MACROD2: variants seen among roughly 807,000 people sequenced by gnomAD.
MACROD2 encodes the protein mono-ADP ribosylhydrolase 2.
MACROD2 carries 36 observed loss-of-function variants against 70.4 expected under a neutral mutation model. The observed-to-expected ratio is 0.51, with a 90% CI of 0.39 to 0.68. MACROD2 has a LOEUF of 0.68. Ranked by LOEUF, MACROD2 falls within the 30% of genes least tolerant of loss-of-function variation. The pLI, the probability that MACROD2 is intolerant of heterozygous loss-of-function variation, is 0.00. For missense variants in MACROD2, 496 were observed against 538.4 expected (o/e 0.92, Z 0.78); for synonymous variants, 172 against 178.8 (o/e 0.96, Z 0.30).
intron 2 of MACROD2, among the ~76,000 whole-genome samples, chr20:14,032,223 T>C (rs1399407066): frequency 6.6e-6 from 1 of 152,142 alleles, no homozygotes; most frequent in African/African-American, 2.4e-5. Flanking sequence ...ATTTTGTCTT[T>C]AATGAACTAT....
chr20:16,026,158 AAAC>A (rs148832200), intron 15 of MACROD2, among the ~76,000 whole-genome samples: 35,354 of 150,334 alleles, frequency 0.24, 4,212 homozygotes, highest in South Asian at 0.33. Context: ...CATCTCAAAA[AAAC>A]AAAACAACAA....
At chr20:14,336,517 G>T (rs991146675) in intron 3 of MACROD2, among the ~76,000 whole-genome samples, 1 of 152,028 alleles carries the variant, frequency 6.6e-6, no homozygotes, top group African/African-American at 2.4e-5. Flanking sequence ...TAGTATAAAT[G>T]CATTTCTTCC....
At chr20:14,786,832 C>G (rs2072380443) in intron 5 of MACROD2, among the ~76,000 whole-genome samples, 1 of 152,042 alleles carries the variant, frequency 6.6e-6, no homozygotes. Context: ...TATTCAGATT[C>G]CTGTTTCTGC....
intron 4 of MACROD2, among the ~76,000 whole-genome samples, chr20:14,525,952 A>C (rs564469951): frequency 6.6e-6 from 1 of 152,182 alleles, no homozygotes; most frequent in South Asian, 2.1e-4. Context: ...ATGCTTCCTG[A>C]AGGTTGGAGG....
chr20:14,127,884 C>A (rs1006926450), intron 3 of MACROD2: 3 of 494,908 alleles, frequency 6.1e-6, no homozygotes, highest in African/African-American at 5.9e-5. Flanking sequence ...CCAACTAGAT[C>A]TTTGAATTGG....
chr20:15,812,204 CA>C (rs2063828404), intron 8 of MACROD2, among the ~76,000 whole-genome samples: 1 of 152,144 alleles, frequency 6.6e-6, no homozygotes, highest in South Asian at 2.1e-4. Flanking sequence ...ACTTATAACA[CA>C]ATGCCTTATA....
At chr20:14,501,449 G>A (rs894331057) in intron 4 of MACROD2, among the ~76,000 whole-genome samples, 1 of 151,090 alleles carries the variant, frequency 6.6e-6, no homozygotes, top group South Asian at 2.1e-4. Flanking sequence ...GTATACTAGT[G>A]TTATCCTACA....
chr20:15,690,521 G>A (rs1462269811), intron 8 of MACROD2, among the ~76,000 whole-genome samples: 2 of 152,150 alleles, frequency 1.3e-5, no homozygotes, highest in African/African-American at 2.4e-5. Context: ...TCTGAATGTC[G>A]AGGGACCAGA....
chr20:15,146,278 C>A (rs914276882), intron 5 of MACROD2, among the ~76,000 whole-genome samples: 4 of 152,074 alleles, frequency 2.6e-5, no homozygotes, highest in Admixed American at 2.6e-4. Flanking sequence ...TTCTAGAAAT[C>A]TTGGTAATTA....
At chr20:16,018,702 C>A (rs1224254001) in intron 15 of MACROD2, among the ~76,000 whole-genome samples, 1 of 152,138 alleles carries the variant, frequency 6.6e-6, no homozygotes, top group African/African-American at 2.4e-5. Context: ...ACTGTATCCT[C>A]AATTATTTCC....
Position 15,998,102 on chromosome 20 carries a change from T to C in MACROD2, c.1153+10944T>C, listed in dbSNP as rs2066657096. On this transcript the variant is annotated intron_variant, in intron 15 of 17. Coordinates refer to ENST00000684519, the MANE Select transcript of MACROD2 (RefSeq NM_001351661.2). ...GCTAGTAATTTGTTGAAATGTTTTC[T>C]ATCTATTTTCATCAAGGGTATTGGC... 2.0e-5 allele frequency among the ~76,000 whole-genome samples: 3 copies of C among 152,258 alleles called. No homozygotes were observed. The South Asian group carries it at 6.2e-4, about 31-fold the overall frequency.
intron 8 of MACROD2, among the ~76,000 whole-genome samples, chr20:15,767,900 G>A (rs950030845): frequency 3.9e-5 from 6 of 151,910 alleles, no homozygotes; most frequent in Non-Finnish European, 8.8e-5. Context: ...CCCCTGTGTT[G>A]GCTTATTTCT....
At chr20:15,125,873 A>G (rs1431713965) in intron 5 of MACROD2, among the ~76,000 whole-genome samples, 1 of 151,706 alleles carries the variant, frequency 6.6e-6, no homozygotes, top group Non-Finnish European at 1.5e-5. Context: ...GTCTTCTGGC[A>G]GACTACTTTC....
rs454571 is a variant in MACROD2 at position 15,605,451 on chromosome 20, A to T, written c.645+105604A>T. On this transcript the variant is annotated intron_variant, in intron 8 of 17. Transcript: ENST00000684519. ...CTTCAGTTAGAAAAAACAGGATGTA[A>T]GCGTGTGTGTGTGTGTGTGTGTGTG... is the stretch of plus-strand genomic sequence containing the variant. Among the ~76,000 whole-genome samples the T allele has an allele frequency of 4.6e-5, 5 of 108,482 alleles. No individual in the cohort carries two copies. In the South Asian group the frequency reaches 9.2e-4, roughly 20 times the overall value. 71.2% of individuals were successfully genotyped at this position (108,482 alleles called of 152,430 possible). A position where few individuals can be genotyped will look rare whatever the true frequency, so the allele number is the denominator to read the frequency against.
At chr20:15,191,931 T>TATAGAGAGAGAGAGAGAG (rs150210305) in intron 5 of MACROD2, among the ~76,000 whole-genome samples, 1 of 142,290 alleles carries the variant, frequency 7.0e-6, no homozygotes, top group African/African-American at 2.6e-5. Flanking sequence ...TATATATATA[T>TATAGAGAGAGAGAGAGAG]AGAGAGAGAG....
chr20:14,046,059 A>T (rs2053469835), intron 2 of MACROD2, among the ~76,000 whole-genome samples: 1 of 152,232 alleles, frequency 6.6e-6, no homozygotes. Context: ...AAAGACTCAC[A>T]GTTGGTGTCC....
At chr20:15,858,718 G>A (rs2064386197) in intron 8 of MACROD2, among the ~76,000 whole-genome samples, 1 of 152,164 alleles carries the variant, frequency 6.6e-6, no homozygotes, top group South Asian at 2.1e-4. Flanking sequence ...TTTCAGTGAG[G>A]GTAGTTGGAT....
intron 5 of MACROD2, among the ~76,000 whole-genome samples, chr20:15,102,763 A>C (rs771284804): frequency 5.3e-5 from 8 of 152,106 alleles, no homozygotes; most frequent in Non-Finnish European, 1.0e-4. Context: ...TTTTGTTTAT[A>C]ATAGCAAAAA....
intron 3 of MACROD2, among the ~76,000 whole-genome samples, chr20:14,451,446 C>T (rs1315001679): frequency 6.6e-6 from 1 of 151,904 alleles, no homozygotes; most frequent in East Asian, 1.9e-4. Flanking sequence ...AACTGTGTCT[C>T]GACAAAAAAA....
Sources: allele counts gnomAD v4.1 joint callset (sites outside exome capture counted in the v4.1 genomes callset), GRCh38; gene constraint gnomAD v4.1.1; transcripts MANE v1.5; gene names NCBI Gene and HGNC (gene_info 2026-07-23, HGNC 2026-07-21).